AUTS2: variants seen among roughly 807,000 people sequenced by gnomAD.
AUTS2 encodes autism susceptibility gene 2 protein.
Under a neutral mutation model 112.4 loss-of-function variants are expected in AUTS2, and 17 were observed. The ratio of observed to expected loss-of-function variants is 0.15; its 90% CI spans 0.10 to 0.23. AUTS2 has a LOEUF of 0.23. AUTS2 is among the 10% of genes least tolerant of loss of function. AUTS2 has a pLI of 1.00. For synonymous variants in AUTS2, 751 were observed against 702.7 expected (o/e 1.07, Z -1.09); for missense variants, 1,510 against 1,701.6 (o/e 0.89, Z 1.98).
intron 1 of AUTS2, among the ~76,000 whole-genome samples, chr7:69,636,480 G>GGCCCC (rs1562776075): frequency 1.2e-4 from 2 of 16,098 alleles, no homozygotes; most frequent in African/African-American, 3.4e-4. Context: ...AGTGATCCGC[G>GGCCCC]CCCCCCCCCC....
At chr7:70,009,526 C>G (rs1799701446) in intron 2 of AUTS2, among the ~76,000 whole-genome samples, 1 of 152,182 alleles carries the variant, frequency 6.6e-6, no homozygotes, top group Non-Finnish European at 1.5e-5. Flanking sequence ...GACCTAGATT[C>G]AAAATGTTAC....
At chr7:69,885,561 G>A (rs983500672) in intron 1 of AUTS2, among the ~76,000 whole-genome samples, 2 of 152,160 alleles carry the variant, frequency 1.3e-5, no homozygotes, top group African/African-American at 4.8e-5. Context: ...TCCAACAAAA[G>A]ACCCTAATCT....
chr7:70,602,967 TAAAGC>T (rs1803552547), intron 5 of AUTS2, among the ~76,000 whole-genome samples: 1 of 152,258 alleles, frequency 6.6e-6, no homozygotes, highest in Admixed American at 6.5e-5. Context: ...GATCCTCTGA[TAAAGC>T]AAAGAACTGT....
intron 4 of AUTS2, among the ~76,000 whole-genome samples, chr7:70,139,242 C>T (rs957863069): frequency 1.3e-5 from 2 of 152,150 alleles, no homozygotes; most frequent in African/African-American, 2.4e-5. Context: ...GCTAAGATTA[C>T]AGGCGTGAGC....
chr7:70,583,939 G>T (rs1365811121), intron 5 of AUTS2, among the ~76,000 whole-genome samples: 1 of 152,182 alleles, frequency 6.6e-6, no homozygotes, highest in African/African-American at 2.4e-5. Context: ...TTCCCTGTGG[G>T]CCAAACAAAA....
intron 1 of AUTS2, among the ~76,000 whole-genome samples, chr7:69,616,192 C>T (rs1053559596): frequency 1.2e-4 from 19 of 152,158 alleles, no homozygotes; most frequent in Non-Finnish European, 2.2e-4. Context: ...CCCTCAACCT[C>T]TGTTTTTCTG....
intron 4 of AUTS2, among the ~76,000 whole-genome samples, chr7:70,233,608 A>G (rs1316505658): frequency 6.6e-6 from 1 of 152,170 alleles, no homozygotes; most frequent in Non-Finnish European, 1.5e-5. Flanking sequence ...CTTTTATCTG[A>G]TGTATATTTT....
chr7:70,240,269 T>C (rs993569727), intron 4 of AUTS2, among the ~76,000 whole-genome samples: 3 of 152,228 alleles, frequency 2.0e-5, no homozygotes, highest in Non-Finnish European at 4.4e-5. Flanking sequence ...TAGCTTTGAC[T>C]TTGATGTCAG....
At chr7:70,232,621 C>G (rs766719401) in intron 4 of AUTS2, among the ~76,000 whole-genome samples, 1 of 152,106 alleles carries the variant, frequency 6.6e-6, no homozygotes, top group South Asian at 2.1e-4. Flanking sequence ...TCAGGTGATC[C>G]GCTTGCCTCG....
intron 5 of AUTS2, among the ~76,000 whole-genome samples, chr7:70,651,998 C>T (rs185222054): frequency 1.9e-4 from 29 of 152,278 alleles, no homozygotes; most frequent in Non-Finnish European, 3.4e-4. Context: ...GAAGACATCA[C>T]CGGATTATGA....
chr7:70,110,893 C>A (rs187501345), intron 2 of AUTS2, among the ~76,000 whole-genome samples: 2 of 120,784 alleles, frequency 1.7e-5, no homozygotes, highest in Non-Finnish European at 3.2e-5. Context: ...TTGAGAGTCT[C>A]GCTCTGTCGC....
chr7:70,428,009 G>A, intron 4 of AUTS2, among the ~76,000 whole-genome samples: 1 of 152,102 alleles, frequency 6.6e-6, no homozygotes, highest in East Asian at 1.9e-4. Context: ...CTTTATTCTT[G>A]TAAACTGTTG....
At chr7:69,864,403 T>G (rs1464418626) in intron 1 of AUTS2, among the ~76,000 whole-genome samples, 1 of 152,190 alleles carries the variant, frequency 6.6e-6, no homozygotes, top group East Asian at 1.9e-4. Flanking sequence ...TGTGGTTCCC[T>G]CTCCTTAATT....
intron 2 of AUTS2, among the ~76,000 whole-genome samples, chr7:70,002,351 C>G (rs990436569): frequency 2.6e-5 from 4 of 152,008 alleles, no homozygotes; most frequent in African/African-American, 9.7e-5. Flanking sequence ...ATAACTTTTT[C>G]CAGTGGTGAT....
At chr7:70,227,570 C>G (rs1445972269) in intron 4 of AUTS2, among the ~76,000 whole-genome samples, 1 of 152,096 alleles carries the variant, frequency 6.6e-6, no homozygotes. Context: ...TTTACTGTTT[C>G]TTCCTTTCCA....
At chr7:69,799,568 C>A (rs1789992092) in intron 1 of AUTS2, among the ~76,000 whole-genome samples, 1 of 152,172 alleles carries the variant, frequency 6.6e-6, no homozygotes, top group Non-Finnish European at 1.5e-5. Flanking sequence ...AATTGCTCAG[C>A]TGTTACTGTT....
intron 2 of AUTS2, among the ~76,000 whole-genome samples, chr7:70,097,308 C>G (rs1257273579): frequency 6.6e-6 from 1 of 152,158 alleles, no homozygotes; most frequent in Non-Finnish European, 1.5e-5. Context: ...CCTTTTGAAT[C>G]ATTTTGTTTA....
chr7:70,534,809 G>A (rs568379058), intron 5 of AUTS2, among the ~76,000 whole-genome samples: 2 of 152,054 alleles, frequency 1.3e-5, no homozygotes, highest in African/African-American at 4.8e-5. Context: ...GACCATATAG[G>A]TAATAGTAAT....
rs35522970 is a variant in AUTS2 at position 70,004,809 on chromosome 7, CTTTATTTATTTA to C, written c.522+105332_522+105343del. Among the ~76,000 whole-genome samples the C allele has an allele frequency of 3.2e-3, 482 of 149,438 alleles. 2 individuals are homozygous for C. Among genetic ancestry groups the C allele is most frequent in the African/African-American group, 0.011 (429 of 40,140 alleles). On this transcript the variant is annotated intron_variant, in intron 2 of 18. Transcript: ENST00000342771. The stretch of plus-strand genomic sequence containing the variant: ...GTGGAGTCTACACATGAATTAATGA[CTTTATTTATTTA>C]TTTATTTATTTATTTATTTAGAGAC...
Sources: gnomAD v4.1 joint callset for allele counts (sites outside exome capture counted in the v4.1 genomes callset) on GRCh38, gnomAD v4.1.1 for gene constraint, MANE v1.5 for transcripts, NCBI Gene and HGNC (gene_info 2026-07-23, HGNC 2026-07-21) for gene names.